The following GPC6 variants were observed in gnomAD, a reference collection of about 807,000 sequenced individuals.
GPC6 encodes glypican-6.
A neutral mutation model predicts 55.2 loss-of-function variants in GPC6; 14 were observed. The observed-to-expected ratio is 0.25, with a 90% CI of 0.17 to 0.40. The LOEUF (loss-of-function observed/expected upper bound fraction) is 0.40. Among genes scored for constraint, GPC6 ranks in the 10% least tolerant of loss-of-function variants. The pLI is 1.00. For synonymous variants in GPC6, 278 were observed against 259.6 expected (o/e 1.07, Z -0.68); for missense variants, 641 against 708.5 (o/e 0.90, Z 1.08).
chr13:93,363,117 GTT>G (rs199840187), intron 1 of GPC6, among the ~76,000 whole-genome samples: 1 of 126,010 alleles, frequency 7.9e-6, no homozygotes, highest in African/African-American at 3.1e-5. Flanking sequence ...CTTTTTTTTT[GTT>G]TTTTTTTTTG....
chr13:93,819,000 T>C (rs758621659), intron 2 of GPC6, among the ~76,000 whole-genome samples: 5 of 152,068 alleles, frequency 3.3e-5, no homozygotes, highest in Non-Finnish European at 7.4e-5. Flanking sequence ...GTATACAAGA[T>C]ATACAAGTAT....
intron 1 of GPC6, among the ~76,000 whole-genome samples, chr13:93,436,093 A>G (rs1487188764): frequency 1.3e-5 from 2 of 152,170 alleles, no homozygotes; most frequent in Admixed American, 1.3e-4. Context: ...AGATATTTGC[A>G]TAAGTGTAAC....
intron 2 of GPC6, among the ~76,000 whole-genome samples, chr13:93,697,941 T>G (rs1442271409): frequency 6.6e-6 from 1 of 152,202 alleles, no homozygotes; most frequent in African/African-American, 2.4e-5. Flanking sequence ...AACTTCCAAC[T>G]GCATTTCATT....
At chr13:93,333,405 A>G (rs914595246) in intron 1 of GPC6, among the ~76,000 whole-genome samples, 1 of 151,306 alleles carries the variant, frequency 6.6e-6, no homozygotes, top group Non-Finnish European at 1.5e-5. Flanking sequence ...TTCATTGTAG[A>G]TGTTTCATCT....
intron 2 of GPC6, among the ~76,000 whole-genome samples, chr13:93,678,779 G>C (rs1566483168): frequency 6.6e-6 from 1 of 152,106 alleles, no homozygotes; most frequent in Non-Finnish European, 1.5e-5. Flanking sequence ...AAGGTGGAAC[G>C]GAGCTCAGTG....
At chr13:94,067,891 T>C (rs1884587902) in intron 4 of GPC6, among the ~76,000 whole-genome samples, 1 of 152,210 alleles carries the variant, frequency 6.6e-6, no homozygotes, top group South Asian at 2.1e-4. Flanking sequence ...TATGCTTAAA[T>C]GTAGAGAACA....
At chr13:93,628,070 G>A (rs917955629) in intron 2 of GPC6, among the ~76,000 whole-genome samples, 1 of 152,140 alleles carries the variant, frequency 6.6e-6, no homozygotes, top group Non-Finnish European at 1.5e-5. Context: ...TTGCTCCATA[G>A]AGCTGGATTA....
intron 3 of GPC6, among the ~76,000 whole-genome samples, chr13:94,011,570 G>T (rs1248741007): frequency 6.6e-6 from 1 of 152,068 alleles, no homozygotes; most frequent in Admixed American, 6.6e-5. Context: ...TTATTATGTT[G>T]TTCTCGGAAT....
chr13:93,628,899 A>G (rs1445532852), intron 2 of GPC6, among the ~76,000 whole-genome samples: 1 of 152,144 alleles, frequency 6.6e-6, no homozygotes, highest in East Asian at 1.9e-4. Flanking sequence ...GGAGTATTCT[A>G]TTGGCACAAT....
rs747907199 is a variant in GPC6 at position 93,718,722 on chromosome 13, G to C, written c.320-111432G>C. Among the ~76,000 whole-genome samples, 185 of 152,070 alleles carry C rather than the reference G, an allele frequency of 1.2e-3. 5 individuals are homozygous for C. Among genetic ancestry groups the C allele is most frequent in the Non-Finnish European group, 4.7e-4 (32 of 67,996 alleles). On this transcript the variant is annotated intron_variant, in intron 2 of 8. Transcript: ENST00000377047. Reference sequence around the variant, plus strand: ...TGGTATTGCCTAGGTTTTCTTCTAGGATTTTTATGGTTTTAGGTCTTACAT... The same window carrying C: ...TGGTATTGCCTAGGTTTTCTTCTAGCATTTTTATGGTTTTAGGTCTTACAT...
chr13:94,351,916 G>T (rs180696970), intron 6 of GPC6, among the ~76,000 whole-genome samples: 20 of 141,166 alleles, frequency 1.4e-4, no homozygotes, highest in Admixed American at 1.4e-3. Flanking sequence ...AATCAGGAAG[G>T]CTTAGAAATA....
intron 4 of GPC6, among the ~76,000 whole-genome samples, chr13:94,180,994 A>G (rs1888974540): frequency 6.6e-6 from 1 of 152,130 alleles, no homozygotes; most frequent in Admixed American, 6.5e-5. Flanking sequence ...CTAAAGCACA[A>G]ATTGCTGGAC....
rs66531953 is a variant in GPC6 at position 93,898,940 on chromosome 13, A to AATATATATATATAT, written c.711+68409_711+68422dup. On this transcript the variant is annotated intron_variant, in intron 3 of 8. Coordinates refer to ENST00000377047, the MANE Select transcript of GPC6 (RefSeq NM_005708.5). ...GGGATATATAAAAATATTATATATA[A>AATATATATATATAT]ATATATATATATATATATATATATA... Among the ~76,000 whole-genome samples the AATATATATATATAT allele has an allele frequency of 1.0e-3, 140 of 136,636 alleles. 1 individual carries two copies. The highest frequency in any genetic ancestry group is 8.7e-3 in the East Asian group (40 of 4,572). The allele number at this position is 136,636 out of a possible 152,430, so 89.6% of individuals were successfully genotyped here.
At chr13:93,241,858 A>C (rs532774400) in intron 1 of GPC6, among the ~76,000 whole-genome samples, 3 of 151,326 alleles carry the variant, frequency 2.0e-5, no homozygotes, top group African/African-American at 7.3e-5. Flanking sequence ...GGATGTAACT[A>C]TAATGTGTAT....
At chr13:93,480,631 G>A (rs1879480266) in intron 1 of GPC6, among the ~76,000 whole-genome samples, 6 of 152,108 alleles carry the variant, frequency 3.9e-5, no homozygotes, top group Admixed American at 6.5e-5. Flanking sequence ...AAGAAACCCT[G>A]TATCCACTAG....
intron 1 of GPC6, among the ~76,000 whole-genome samples, chr13:93,526,271 C>T (rs543146516): frequency 5.9e-5 from 9 of 152,014 alleles, no homozygotes; most frequent in African/African-American, 1.9e-4. Flanking sequence ...ATGCACAGAC[C>T]AAAGGTAATT....
At chr13:93,816,434 G>A (rs1285576369) in intron 2 of GPC6, among the ~76,000 whole-genome samples, 2 of 151,684 alleles carry the variant, frequency 1.3e-5, no homozygotes, top group African/African-American at 4.8e-5. Context: ...TATATTTAGA[G>A]TGAAGAGACC....
At chr13:93,644,675 G>A (rs1386830639) in intron 2 of GPC6, among the ~76,000 whole-genome samples, 1 of 151,896 alleles carries the variant, frequency 6.6e-6, no homozygotes, top group Non-Finnish European at 1.5e-5. Context: ...AAATAATGAT[G>A]ATAGTTAATA....
Position 94,306,562 on chromosome 13 carries a change from C to T in GPC6, c.1152+439C>T, listed in dbSNP as rs1465841962. ...AGTTTTCTGTTTGAAAGACCTTGCC[C>T]GGAAACCCCAAATCAATGTTACTAT... On this transcript the variant is annotated intron_variant, in intron 6 of 8. Coordinates refer to ENST00000377047, the MANE Select transcript of GPC6 (RefSeq NM_005708.5). Among the ~76,000 whole-genome samples, 4 of 152,132 alleles carry T rather than the reference C, an allele frequency of 2.6e-5. No individual in the cohort carries two copies. In the East Asian group the frequency reaches 5.8e-4, roughly 22 times the overall value.
Sources: allele counts gnomAD v4.1 joint callset (sites outside exome capture counted in the v4.1 genomes callset), GRCh38; gene constraint gnomAD v4.1.1; transcripts MANE v1.5; gene names NCBI Gene and HGNC (gene_info 2026-07-23, HGNC 2026-07-21).